Variants in PRR5L observed in about 807,000 individuals in gnomAD.
The protein encoded by PRR5L is proline-rich protein 5-like.
In PRR5L, 21 loss-of-function variants were observed where a neutral mutation model predicts 36.4. The observed-to-expected ratio is 0.58, with a 90% CI of 0.41 to 0.83. PRR5L has a LOEUF of 0.83. PRR5L is among the 40% of genes least tolerant of loss of function. The pLI, the probability that PRR5L is intolerant of heterozygous loss-of-function variation, is 0.00. For missense variants in PRR5L, 381 were observed against 473.3 expected, an observed-to-expected ratio of 0.80 and a Z score of 1.81; for synonymous variants, 188 against 197.0, an observed-to-expected ratio of 0.95 and a Z score of 0.38.
Position 36,446,368 on chromosome 11 carries a change from G to A in PRR5L, c.513G>A (p.Lys171=), listed in dbSNP as rs138250255. 82 of 1,614,054 alleles carry A rather than the reference G, an allele frequency of 5.1e-5. No homozygotes were observed. The highest frequency in any genetic ancestry group is 1.8e-4 in the Admixed American group (11 of 60,012). ...GFRDLVLLKV[K]LGDLLLLAQS... ...GAGACCTAGTCTTGCTGAAGGTGAA[G>A]CTGGGTGACCTGCTGCTGCTGGCCC... The change falls in exon 7 of 9, where the codon AAG becomes AAA. Residue 171 remains lysine, a synonymous_variant. Transcript: ENST00000530639.
intron 1 of PRR5L, chr11:36,300,992 C>T (rs1249807706): frequency 6.6e-6 from 1 of 152,276 alleles, no homozygotes; most frequent in South Asian, 2.1e-4. Context: ...TTTGTGGGCT[C>T]TCTGCCAGGA....
At chr11:36,417,161 G>A (rs1590562602) in intron 3 of PRR5L, among the ~76,000 whole-genome samples, 1 of 152,190 alleles carries the variant, frequency 6.6e-6, no homozygotes, top group East Asian at 1.9e-4. Flanking sequence ...TCAGCATCAT[G>A]AGTACCCAAG....
chr11:36,395,212 T>G (rs1040503289), intron 1 of PRR5L, among the ~76,000 whole-genome samples: 1 of 152,186 alleles, frequency 6.6e-6, no homozygotes, highest in African/African-American at 2.4e-5. Context: ...CATAGGGGAC[T>G]GGTTAAATAA....
intron 1 of PRR5L, among the ~76,000 whole-genome samples, chr11:36,308,394 A>G (rs888042902): frequency 6.6e-6 from 1 of 152,202 alleles, no homozygotes; most frequent in Non-Finnish European, 1.5e-5. Flanking sequence ...GCAGGTTTTT[A>G]GAAGTGAAGT....
intron 1 of PRR5L, among the ~76,000 whole-genome samples, chr11:36,325,809 T>C (rs1856656483): frequency 1.3e-5 from 2 of 152,198 alleles, no homozygotes; most frequent in South Asian, 2.1e-4. Flanking sequence ...CTAATTTTTA[T>C]TGATGGCAAT....
intron 1 of PRR5L, among the ~76,000 whole-genome samples, chr11:36,350,603 T>C (rs896024747): frequency 1.4e-4 from 22 of 152,104 alleles, no homozygotes; most frequent in Non-Finnish European, 2.2e-4. Flanking sequence ...ATAAGTTCTT[T>C]AGTGGTGATT....
In PRR5L at chr11:36,435,192, T is replaced by C. The variant is rs767822918; in HGVS notation, c.353-2193T>C. Among the ~76,000 whole-genome samples the C allele has an allele frequency of 2.9e-4, 44 of 152,194 alleles. 1 individual carries two copies. Among genetic ancestry groups the C allele is most frequent in the Non-Finnish European group, 8.8e-5 (6 of 68,010 alleles). On this transcript the variant is annotated intron_variant, in intron 5 of 8. Transcript: ENST00000530639. Reference sequence around the variant, plus strand: ...AGATTGTGAGAGGGTCCTTTTAGACTTCCCCCTCCTCCTCCCTGCAGTGAA... The same window carrying C: ...AGATTGTGAGAGGGTCCTTTTAGACCTCCCCCTCCTCCTCCCTGCAGTGAA...
rs1237970347 is a variant in PRR5L, at chr11:36,462,501, C to T, written c.872C>T (p.Thr291Met). 1.4e-5 allele frequency: 23 copies of T among 1,608,116 alleles called. No homozygotes were observed. The highest frequency in any genetic ancestry group is 1.7e-5 in the Admixed American group (1 of 59,686). ...AAGTGTGGCAGCGTGCGGCGGCACACGGTGGCCAATGCCCACTCGGACATC... is the reference window on the plus strand; with the variant it reads ...AAGTGTGGCAGCGTGCGGCGGCACATGGTGGCCAATGCCCACTCGGACATC... Reference protein sequence around the residue: ...LEKCGSVRRHTVANAHSDIQL... With the variant: ...LEKCGSVRRHMVANAHSDIQL... The change falls in exon 9 of 9, where the codon ACG becomes ATG. Residue 291 changes from threonine (T) to methionine (M), a missense_variant. By Grantham distance (81) the Thr-to-Met change is moderately conservative. Coordinates refer to ENST00000530639, the MANE Select transcript of PRR5L (RefSeq NM_001160167.2).
intron 1 of PRR5L, among the ~76,000 whole-genome samples, chr11:36,319,043 G>C (rs1428557751): frequency 6.6e-6 from 1 of 152,096 alleles, no homozygotes; most frequent in Non-Finnish European, 1.5e-5. Context: ...TCTCCTGATT[G>C]GGAATAAAAT....
At chr11:36,298,798 C>T (rs1856342461) in intron 1 of PRR5L, among the ~76,000 whole-genome samples, 1 of 152,154 alleles carries the variant, frequency 6.6e-6, no homozygotes, top group South Asian at 2.1e-4. Flanking sequence ...TTTGTTTTCT[C>T]CTGAGGTCTC....
At chr11:36,328,455 C>CCT (rs1345333396) in intron 1 of PRR5L, among the ~76,000 whole-genome samples, 1 of 151,954 alleles carries the variant, frequency 6.6e-6, no homozygotes, top group African/African-American at 2.4e-5. Flanking sequence ...GCAACTCAGC[C>CCT]CTCTCTCTCT....
intron 1 of PRR5L, among the ~76,000 whole-genome samples, chr11:36,382,506 G>T (rs182771586): frequency 1.3e-5 from 2 of 152,318 alleles, no homozygotes; most frequent in South Asian, 4.1e-4. Flanking sequence ...CACAGAATCC[G>T]ATTCAGTAGG....
intron 4 of PRR5L, among the ~76,000 whole-genome samples, chr11:36,421,119 A>G (rs953976194): frequency 6.6e-6 from 1 of 152,148 alleles, no homozygotes; most frequent in African/African-American, 2.4e-5. Context: ...AAAGCTAACT[A>G]CAGAGAAGTG....
At chr11:36,446,092 G>C (rs1175250177) in intron 6 of PRR5L, among the ~76,000 whole-genome samples, 1 of 152,184 alleles carries the variant, frequency 6.6e-6, no homozygotes, top group Non-Finnish European at 1.5e-5. Flanking sequence ...GGTCATTTAG[G>C]TAGGCAGGTT....
chr11:36,325,869 T>C (rs1489654846), intron 1 of PRR5L, among the ~76,000 whole-genome samples: 2 of 152,254 alleles, frequency 1.3e-5, no homozygotes, highest in Non-Finnish European at 2.9e-5. Flanking sequence ...AGGACAAATA[T>C]CCTTTCAGTA....
At chr11:36,449,016 AG>A (rs1858890712) in intron 7 of PRR5L, among the ~76,000 whole-genome samples, 1 of 152,162 alleles carries the variant, frequency 6.6e-6, no homozygotes, top group African/African-American at 2.4e-5. Context: ...AGACCATTAA[AG>A]ATCGTCCCTC....
intron 1 of PRR5L, among the ~76,000 whole-genome samples, chr11:36,329,808 T>C (rs1288240346): frequency 6.6e-6 from 1 of 152,194 alleles, no homozygotes; most frequent in Non-Finnish European, 1.5e-5. Context: ...CCTATCTTCT[T>C]GAGGTCTTCA....
intron 1 of PRR5L, among the ~76,000 whole-genome samples, chr11:36,374,906 CG>C (rs1362437363): frequency 6.6e-6 from 1 of 152,152 alleles, no homozygotes; most frequent in Admixed American, 6.5e-5. Context: ...ATCCCTTAGA[CG>C]AGCCTCTTTT....
At chr11:36,310,270 C>T (rs903939381) in intron 1 of PRR5L, among the ~76,000 whole-genome samples, 2 of 152,130 alleles carry the variant, frequency 1.3e-5, no homozygotes, top group East Asian at 3.9e-4. Flanking sequence ...CAAGAACTCC[C>T]GTGTGTCCAG....
Sources: gnomAD v4.1 joint callset for allele counts (sites outside exome capture counted in the v4.1 genomes callset) on GRCh38, gnomAD v4.1.1 for gene constraint, MANE v1.5 for transcripts, NCBI Gene and HGNC (gene_info 2026-07-23, HGNC 2026-07-21) for gene names.